TRIP13: variants seen among roughly 807,000 people sequenced by gnomAD.
TRIP13 encodes thyroid hormone receptor interactor 13.
Under a neutral mutation model 54.4 loss-of-function variants are expected in TRIP13, and 25 were observed. The ratio of observed to expected loss-of-function variants is 0.46; its 90% CI spans 0.33 to 0.64. TRIP13 has a LOEUF of 0.64. Among genes scored for constraint, TRIP13 ranks in the 30% least tolerant of loss-of-function variants. TRIP13 has a pLI of 0.02. For synonymous variants in TRIP13, 207 were observed against 207.8 expected, an observed-to-expected ratio of 1.00 and a Z score of 0.03; for missense variants, 373 against 534.2, an observed-to-expected ratio of 0.70 and a Z score of 2.97.
intron 3 of TRIP13, among the ~76,000 whole-genome samples, chr5:897,370 G>A: frequency 1.5e-5 from 1 of 66,118 alleles, no homozygotes; most frequent in Non-Finnish European, 2.4e-5. Flanking sequence ...GGAAACAGGT[G>A]GATTTGGATG....
At chr5:894,216 C>G (rs1219615081) in intron 1 of TRIP13, among the ~76,000 whole-genome samples, 3 of 152,122 alleles carry the variant, frequency 2.0e-5, no homozygotes, top group African/African-American at 4.8e-5. Flanking sequence ...TGCAGTTGAT[C>G]AGGCCAGTAA....
Position 907,135 on chromosome 5 carries a change from G to A in TRIP13, c.614G>A (p.Arg205Gln), listed in dbSNP as rs149881196. 410 of 1,613,982 alleles carry A rather than the reference G, an allele frequency of 2.5e-4. No homozygotes were observed. The African/African-American group carries it at 4.3e-3, about 17-fold the overall frequency. ...KLTIRLSSRY[R>Q]YGQLIEINSH... ...ACTCCTTTTTTCTATCTCAGGTACC[G>A]ATATGGCCAATTAATTGAAATAAAC... The change falls in exon 7 of 13, where the codon CGA becomes CAA. Residue 205 changes from arginine (R) to glutamine (Q), a missense_variant. Coordinates refer to ENST00000166345, the MANE Select transcript of TRIP13 (RefSeq NM_004237.4). The surrounding 1 kb of genome is among the most constrained non-coding windows in gnomAD (Gnocchi z 4.1).
chr5:912,098 C>T lies in TRIP13; in HGVS notation c.1020+102C>T, dbSNP rs1446234379. Reference sequence around the variant, plus strand: ...AAGCTCGTTCCAGTACGGAGGATTTCAACATATGCATTAACTCCCTTCTTA... The same window carrying T: ...AAGCTCGTTCCAGTACGGAGGATTTTAACATATGCATTAACTCCCTTCTTA... On this transcript the variant is annotated intron_variant, in intron 10 of 12. Coordinates refer to ENST00000166345, the MANE Select transcript of TRIP13 (RefSeq NM_004237.4). The surrounding 1 kb of genome is among the most constrained non-coding windows in gnomAD (Gnocchi z 7.2). 1 of 1,389,082 alleles carries T rather than the reference C, an allele frequency of 7.2e-7. No individual in the cohort carries two copies. Among genetic ancestry groups the T allele is most frequent in the African/African-American group, 1.4e-5 (1 of 69,132 alleles). 86.0% of individuals were successfully genotyped at this position (1,389,082 alleles called of 1,614,324 possible).
At position 911,808 on chromosome 5, in the gene TRIP13, T is replaced by C; in HGVS notation, c.867-35T>C. The C allele has an allele frequency of 6.3e-7, 1 of 1,590,868 alleles. No individual in the cohort carries two copies. Among genetic ancestry groups the C allele is most frequent in the South Asian group, 1.1e-5 (1 of 89,328 alleles). ...GATAGAATTGGGTCACCGACAGCCGTGATGACTGTGGTGCTTGCTTCTCGG... is the reference window on the plus strand; with the variant it reads ...GATAGAATTGGGTCACCGACAGCCGCGATGACTGTGGTGCTTGCTTCTCGG... On this transcript the variant is annotated intron_variant, in intron 9 of 12. Transcript: ENST00000166345. The surrounding 1 kb of genome is among the most constrained non-coding windows in gnomAD (Gnocchi z 4.7).
chr5:907,488 G>A lies in TRIP13; in HGVS notation c.672+295G>A, dbSNP rs968958399. 1.3e-5 allele frequency among the ~76,000 whole-genome samples: 2 copies of A among 152,206 alleles called. No homozygotes were observed. Among genetic ancestry groups the A allele is most frequent in the Admixed American group, 6.5e-5 (1 of 15,286 alleles). The stretch of plus-strand genomic sequence containing the variant: ...CCATGCATGTCCTTGGTGCTCATGC[G>A]CCCTAGCACTGTCTGTGAGTTGAGG... On this transcript the variant is annotated intron_variant, in intron 7 of 12. Coordinates refer to ENST00000166345, the MANE Select transcript of TRIP13 (RefSeq NM_004237.4). The surrounding 1 kb of genome is among the most constrained non-coding windows in gnomAD (Gnocchi z 4.1).
intron 11 of TRIP13, 38 bp downstream of exon 11, chr5:914,615 CATTTGTGAT>C (rs1197710343): frequency 2.0e-6 from 3 of 1,529,650 alleles, no homozygotes; most frequent in Non-Finnish European, 2.7e-6. Flanking sequence ...AAGAAGAATC[CATTTGTGAT>C]ATTAACTAGG....
chr5:914,273 T>C (rs1205196332), intron 10 of TRIP13, among the ~76,000 whole-genome samples, 192 bp from the exon 11 acceptor site: 1 of 152,178 alleles, frequency 6.6e-6, no homozygotes, highest in Non-Finnish European at 1.5e-5. Context: ...AAGCAGAATG[T>C]GTACGCTGAG....
intron 2 of TRIP13, 79 bp downstream of exon 2, chr5:895,031 T>C: frequency 6.9e-7 from 1 of 1,453,138 alleles, no homozygotes; most frequent in Admixed American, 2.2e-5. Flanking sequence ...GCCGTTTTCA[T>C]AGCCTGTTGT....
intron 5 of TRIP13, among the ~76,000 whole-genome samples, chr5:903,876 C>T (rs368454621): frequency 2.6e-5 from 4 of 152,052 alleles, no homozygotes; most frequent in African/African-American, 9.7e-5. Context: ...GACTGTAGGC[C>T]GAGAAGCTGG....
intron 5 of TRIP13, among the ~76,000 whole-genome samples, chr5:902,637 CGA>C (rs1484400696): frequency 1.3e-5 from 2 of 152,074 alleles, no homozygotes; most frequent in South Asian, 2.1e-4. Flanking sequence ...TGTGCAAAGA[CGA>C]GAGAGTGTAG....
At chr5:905,978 G>A (rs10055626) in intron 6 of TRIP13, among the ~76,000 whole-genome samples, 2,782 of 152,346 alleles carry the variant, frequency 0.018, 84 homozygotes, top group African/African-American at 0.064. Context: ...CGCTTTGGGA[G>A]GCTGAGGCAG....
At chr5:896,860 C>G (rs1753927695) in intron 3 of TRIP13, 66 bp downstream of exon 3, 17 of 1,514,830 alleles carry the variant, frequency 1.1e-5, no homozygotes. Context: ...CATGCCATGT[C>G]AGTTCACAGG....
intron 6 of TRIP13, among the ~76,000 whole-genome samples, chr5:905,783 C>T (rs1014661533): frequency 2.6e-5 from 4 of 152,188 alleles, no homozygotes; most frequent in African/African-American, 4.8e-5. Flanking sequence ...GGTTTAATTT[C>T]GTATACATAA....
chr5:910,395 G>A (rs1021049586), intron 9 of TRIP13, among the ~76,000 whole-genome samples: 1 of 152,240 alleles, frequency 6.6e-6, no homozygotes, highest in Non-Finnish European at 1.5e-5. Context: ...CATAGCTCAG[G>A]GTTCTGTGGG....
intron 3 of TRIP13, among the ~76,000 whole-genome samples, chr5:897,191 C>G (rs1753935808): frequency 6.7e-6 from 1 of 149,300 alleles, no homozygotes; most frequent in Admixed American, 6.7e-5. Flanking sequence ...TGGGCTCTAG[C>G]AGGCCAAGCC....
rs532893406 is a variant in TRIP13, at chr5:915,327, C to G, written c.1134-577C>G. On this transcript the variant is annotated intron_variant, in intron 11 of 12. Transcript: ENST00000166345. The surrounding 1 kb of genome is among the most constrained non-coding windows in gnomAD (Gnocchi z 4.2). ...CATGTGCCCGCTGCATCGTGCCTTA[C>G]GCCTGGTGCTCCCAGGCAGGTGATG... is the stretch of plus-strand genomic sequence containing the variant. Among the ~76,000 whole-genome samples the G allele has an allele frequency of 6.6e-6, 1 of 152,230 alleles. No individual in the cohort carries two copies. Among genetic ancestry groups the G allele is most frequent in the Admixed American group, 6.5e-5 (1 of 15,290 alleles).
chr5:905,057 A>G (rs530098615), intron 6 of TRIP13, among the ~76,000 whole-genome samples: 1 of 151,678 alleles, frequency 6.6e-6, no homozygotes, highest in South Asian at 2.1e-4. Flanking sequence ...AAGTGTGTGG[A>G]TTGTGTGTTC....
At chr5:909,651 A>G (rs1382337121) in intron 9 of TRIP13, among the ~76,000 whole-genome samples, 1 of 152,264 alleles carries the variant, frequency 6.6e-6, no homozygotes, top group East Asian at 1.9e-4. Flanking sequence ...CACAGCCTTC[A>G]GAGCTGAGAG....
chr5:918,859 T>C (rs1026359877), downstream of TRIP13, among the ~76,000 whole-genome samples: 6 of 152,176 alleles, frequency 3.9e-5, no homozygotes, highest in East Asian at 1.2e-3. This position sits in a 1 kb window ranked among gnomAD's most constrained non-coding sequence, Gnocchi z 4.3. Context: ...CACTGGCAGC[T>C]GATTAGATGG....
Sources: gnomAD v4.1 joint callset for allele counts (sites outside exome capture counted in the v4.1 genomes callset) on GRCh38, gnomAD v4.1.1 for gene constraint, Gnocchi (gnomAD v3.1) non-coding constraint, MANE v1.5 for transcripts, NCBI Gene and HGNC (gene_info 2026-07-23, HGNC 2026-07-21) for gene names.